The following LONRF1 variants were observed in gnomAD, a reference collection of about 807,000 sequenced individuals.
LONRF1 encodes LON peptidase N-terminal domain and RING finger protein 1.
A neutral mutation model predicts 85.8 loss-of-function variants in LONRF1; 37 were observed. The observed-to-expected ratio is 0.43, with a 90% CI of 0.33 to 0.57. The LOEUF is 0.57. Among genes scored for constraint, LONRF1 ranks in the 20% least tolerant of loss-of-function variants. LONRF1 has a pLI of 0.04. For synonymous variants in LONRF1, 517 were observed against 390.1 expected (o/e 1.33, Z -3.83); for missense variants, 1,036 against 978.0 (o/e 1.06, Z -0.79).
intron 7 of LONRF1, among the ~76,000 whole-genome samples, chr8:12,734,299 G>C (rs1563141934): frequency 6.6e-6 from 1 of 152,116 alleles, no homozygotes; most frequent in Non-Finnish European, 1.5e-5. Flanking sequence ...CATATCAAAT[G>C]TAATAACAGA....
intron 4 of LONRF1, 139 bp from the exon 5 acceptor site, chr8:12,737,279 C>T (rs756803037): frequency 9.7e-7 from 1 of 1,032,290 alleles, no homozygotes; most frequent in Middle Eastern, 2.0e-4. Context: ...AACTTGATTC[C>T]AACACTGTGA....
chr8:12,742,345 A>T (rs1798968747), intron 2 of LONRF1, among the ~76,000 whole-genome samples: 8 of 152,250 alleles, frequency 5.3e-5, no homozygotes, highest in Admixed American at 5.2e-4. Flanking sequence ...CATTTGGACT[A>T]ATTTGCCTTG....
chr8:12,751,384 G>A (rs1799397338), intron 1 of LONRF1, among the ~76,000 whole-genome samples: 1 of 131,688 alleles, frequency 7.6e-6, no homozygotes, highest in African/African-American at 2.9e-5. Context: ...TCAGCTAACT[G>A]CAACCTCCAC....
chr8:12,751,202 T>C (rs1422031009), intron 1 of LONRF1, among the ~76,000 whole-genome samples: 1 of 152,018 alleles, frequency 6.6e-6, no homozygotes, highest in Non-Finnish European at 1.5e-5. Context: ...AATATTACAG[T>C]ACTCCATAGA....
chr8:12,725,949 C>T, intron 10 of LONRF1, 70 bp from the exon 11 acceptor site: 1 of 1,443,278 alleles, frequency 6.9e-7, no homozygotes, highest in Non-Finnish European at 9.5e-7. Context: ...CCAACCGACA[C>T]AAATGGAAAA....
intron 11 of LONRF1, among the ~76,000 whole-genome samples, chr8:12,724,182 C>G (rs1563131508): frequency 6.6e-6 from 1 of 152,174 alleles, no homozygotes. Flanking sequence ...CTAAAATCCC[C>G]TCTGCCATAG....
chr8:12,736,574 T>C (rs994638118), intron 6 of LONRF1, 127 bp downstream of exon 6: 26 of 654,440 alleles, frequency 4.0e-5, no homozygotes, highest in Non-Finnish European at 6.2e-5. Context: ...AGGACTAAAA[T>C]TCATGTCTTT....
chr8:12,735,363 A>T lies in LONRF1; in HGVS notation c.1489T>A (p.Ser497Thr), dbSNP rs373618262. 6 of 1,607,212 alleles carry T rather than the reference A, an allele frequency of 3.7e-6. No individual in the cohort carries two copies. Among genetic ancestry groups the T allele is most frequent in the Non-Finnish European group, 5.1e-6 (6 of 1,176,012 alleles). Residue 497 changes from serine to threonine, a missense_variant, in exon 7 of 12, where the codon TCG becomes ACG. Coordinates refer to ENST00000398246, the MANE Select transcript of LONRF1 (RefSeq NM_152271.5). ...FEPVTTPCGH[S>T]FCKNCLERCL... ...CGCTCAAGACAATTCTTACAGAACG[A>T]ATGTCCGCAAGGGGTTGTTACTGGC...
At position 12,742,991 on chromosome 8, in the gene LONRF1, G is replaced by A. The variant is rs528345664; in HGVS notation, c.840+173C>T. ...TCCGTCCAACTCAGCGTCCCAAATT[G>A]CTAGGATTATGGAAATGAGCCATTG... On this transcript the variant is annotated intron_variant, in intron 2 of 11. Transcript: ENST00000398246. Among the ~76,000 whole-genome samples, 2 of 152,234 alleles carry A rather than the reference G, an allele frequency of 1.3e-5. 1 individual carries two copies. Among genetic ancestry groups the A allele is most frequent in the South Asian group, 4.1e-4 (2 of 4,828 alleles).
intron 1 of LONRF1, among the ~76,000 whole-genome samples, chr8:12,748,924 G>T (rs544682016): frequency 2.0e-5 from 3 of 151,998 alleles, no homozygotes; most frequent in Non-Finnish European, 2.9e-5. Flanking sequence ...GAATGTTCAG[G>T]AGTAGGAGTT....
At chr8:12,751,757 G>A (rs1799416575) in intron 1 of LONRF1, among the ~76,000 whole-genome samples, 1 of 150,792 alleles carries the variant, frequency 6.6e-6, no homozygotes, top group Non-Finnish European at 1.5e-5. Context: ...TGGGGGAGAG[G>A]TGAACACACG....
intron 1 of LONRF1, among the ~76,000 whole-genome samples, chr8:12,752,333 T>G (rs1462190565): frequency 6.6e-6 from 1 of 152,212 alleles, no homozygotes; most frequent in Non-Finnish European, 1.5e-5. Context: ...ACCCATAAAT[T>G]GTGAGACACT....
chr8:12,728,379 C>G (rs1030818847), intron 10 of LONRF1, among the ~76,000 whole-genome samples: 5 of 152,168 alleles, frequency 3.3e-5, no homozygotes, highest in African/African-American at 1.2e-4. Flanking sequence ...ACACAGCATT[C>G]AACTCTATTT....
At chr8:12,728,302 C>T (rs941386924) in intron 10 of LONRF1, among the ~76,000 whole-genome samples, 3 of 152,076 alleles carry the variant, frequency 2.0e-5, no homozygotes, top group African/African-American at 7.2e-5. Flanking sequence ...TCACAAAAAC[C>T]CTACCCTGTT....
chr8:12,742,508 A>T (rs1287213842), intron 2 of LONRF1, among the ~76,000 whole-genome samples: 1 of 152,218 alleles, frequency 6.6e-6, no homozygotes, highest in East Asian at 1.9e-4. Context: ...TAATACCTCA[A>T]AAAGTTTCCA....
intron 11 of LONRF1, among the ~76,000 whole-genome samples, chr8:12,725,335 A>G (rs573057696): frequency 4.6e-5 from 7 of 152,230 alleles, no homozygotes; most frequent in Non-Finnish European, 1.0e-4. Context: ...AGAAAATGGT[A>G]AGTCTCTCTG....
intron 1 of LONRF1, among the ~76,000 whole-genome samples, chr8:12,748,858 G>C (rs977519176): frequency 1.4e-5 from 2 of 144,188 alleles, no homozygotes; most frequent in African/African-American, 5.1e-5. Context: ...AGTATGACTT[G>C]GTTACCAGGG....
At chr8:12,733,374 G>T (rs1448330992) in intron 7 of LONRF1, among the ~76,000 whole-genome samples, 1 of 152,038 alleles carries the variant, frequency 6.6e-6, no homozygotes, top group East Asian at 1.9e-4. Flanking sequence ...GGTTTTAAGG[G>T]CTTCATAAAT....
At chr8:12,748,978 A>G (rs527867915) in intron 1 of LONRF1, among the ~76,000 whole-genome samples, 2 of 152,296 alleles carry the variant, frequency 1.3e-5, no homozygotes, top group African/African-American at 4.8e-5. Flanking sequence ...AATTGGGTTC[A>G]GATCCCCTTT....
Sources: gnomAD v4.1 joint callset for allele counts (sites outside exome capture counted in the v4.1 genomes callset) on GRCh38, gnomAD v4.1.1 for gene constraint, MANE v1.5 for transcripts, NCBI Gene and HGNC (gene_info 2026-07-23, HGNC 2026-07-21) for gene names.